Variants in BCAS3 observed in about 807,000 individuals in gnomAD.
BCAS3 encodes the protein BCAS4/BCAS3 fusion.
A neutral mutation model predicts 116.1 loss-of-function variants in BCAS3; 53 were observed. The observed-to-expected ratio is 0.46, with a 90% CI of 0.37 to 0.57. BCAS3 has a LOEUF of 0.57. Ranked by LOEUF, BCAS3 falls within the 20% of genes least tolerant of loss-of-function variation. The pLI, the probability that BCAS3 is intolerant of heterozygous loss-of-function variation, is 0.00. For synonymous variants in BCAS3, 391 were observed against 408.2 expected, an observed-to-expected ratio of 0.96 and a Z score of 0.51; for missense variants, 917 against 1,165.4, an observed-to-expected ratio of 0.79 and a Z score of 3.10.
chr17:61,271,629 G>A (rs1463664594), intron 22 of BCAS3, among the ~76,000 whole-genome samples: 3 of 144,196 alleles, frequency 2.1e-5, no homozygotes, highest in Non-Finnish European at 4.6e-5. Context: ...GTGTGTGTGT[G>A]TGTGTTTAGT....
intron 22 of BCAS3, among the ~76,000 whole-genome samples, chr17:61,147,841 TC>T (rs1263435183): frequency 6.6e-6 from 1 of 151,764 alleles, no homozygotes; most frequent in Non-Finnish European, 1.5e-5. Context: ...ACAAAATTAG[TC>T]AGGCGTGGTG....
At chr17:60,807,202 T>C (rs1254664753) in intron 6 of BCAS3, among the ~76,000 whole-genome samples, 1 of 152,238 alleles carries the variant, frequency 6.6e-6, no homozygotes, top group African/African-American at 2.4e-5. Flanking sequence ...ACTGCCAAAC[T>C]ATTACTGTTG....
chr17:60,945,115 G>C (rs565971539), intron 13 of BCAS3, among the ~76,000 whole-genome samples: 16 of 152,006 alleles, frequency 1.1e-4, no homozygotes, highest in Non-Finnish European at 1.9e-4. Flanking sequence ...ACATTGTCAA[G>C]ATAAAAAATC....
intron 6 of BCAS3, among the ~76,000 whole-genome samples, chr17:60,804,707 GTTAT>G (rs1455595081): frequency 6.6e-6 from 1 of 151,864 alleles, no homozygotes; most frequent in East Asian, 1.9e-4. Context: ...TTATATACAA[GTTAT>G]TTATCTCATG....
At chr17:61,049,182 T>C (rs1312553627) in intron 19 of BCAS3, among the ~76,000 whole-genome samples, 4 of 151,764 alleles carry the variant, frequency 2.6e-5, no homozygotes, top group Non-Finnish European at 5.9e-5. Context: ...ATACCCTTAA[T>C]CCCAGGTACT....
chr17:60,862,598 A>T (rs1027977411), intron 7 of BCAS3, among the ~76,000 whole-genome samples: 4 of 152,072 alleles, frequency 2.6e-5, no homozygotes, highest in African/African-American at 9.7e-5. Context: ...GTTTCTGTGC[A>T]TAGAGGTGGT....
intron 4 of BCAS3, among the ~76,000 whole-genome samples, chr17:60,705,410 G>T (rs1430724710): frequency 6.6e-6 from 1 of 151,742 alleles, no homozygotes; most frequent in Non-Finnish European, 1.5e-5. Context: ...AGCTACTTGG[G>T]AGGCTGAGGC....
At chr17:61,298,463 T>C (rs1271239876) in intron 22 of BCAS3, among the ~76,000 whole-genome samples, 3 of 152,240 alleles carry the variant, frequency 2.0e-5, no homozygotes. Flanking sequence ...AAAAGGACTT[T>C]GGCTCTAGTA....
chr17:61,195,943 A>G (rs920506111), intron 22 of BCAS3, among the ~76,000 whole-genome samples: 1 of 152,216 alleles, frequency 6.6e-6, no homozygotes, highest in African/African-American at 2.4e-5. Flanking sequence ...ACTGATTTTT[A>G]TCTTTTTGTG....
chr17:61,376,253 G>A lies in BCAS3; in HGVS notation c.2593+7759G>A, dbSNP rs2059333768. Among the ~76,000 whole-genome samples the A allele has an allele frequency of 6.6e-6, 1 of 152,160 alleles. No homozygotes were observed. The highest frequency in any genetic ancestry group is 2.1e-4 in the South Asian group (1 of 4,830). ...TAAGTGAAAGGTGAGCCTCCTTTAT[G>A]GGTCCTGGGTTAGCCACACTGTTCC... On this transcript the variant is annotated intron_variant, in intron 23 of 23. Coordinates refer to ENST00000407086, the MANE Select transcript of BCAS3 (RefSeq NM_017679.5). The surrounding 1 kb of genome is among the most constrained non-coding windows in gnomAD (Gnocchi z 4.5).
intron 6 of BCAS3, among the ~76,000 whole-genome samples, chr17:60,795,433 G>A (rs544831042): frequency 6.6e-6 from 1 of 152,164 alleles, no homozygotes; most frequent in South Asian, 2.1e-4. Flanking sequence ...GATTGCTCTG[G>A]CTAGGACTTC....
In BCAS3 at chr17:60,978,287, G is replaced by T. The variant is rs1468543456; in HGVS notation, c.1222-11684G>T. ...GCATTTTTTCATGTGTTTTTTGGCTGCATAAATGTCTTCTTTTGAGAAGTG... is the reference window on the plus strand; with the variant it reads ...GCATTTTTTCATGTGTTTTTTGGCTTCATAAATGTCTTCTTTTGAGAAGTG... On this transcript the variant is annotated intron_variant, in intron 14 of 23. Transcript: ENST00000407086. 5.6e-5 allele frequency among the ~76,000 whole-genome samples: 8 copies of T among 142,462 alleles called. No homozygotes were observed. The East Asian group carries it at 1.6e-3, about 29-fold the overall frequency. The allele number at this position is 142,462 out of a possible 152,430, so 93.5% of individuals were successfully genotyped here. A position where few individuals can be genotyped will look rare whatever the true frequency, so the allele number is the denominator to read the frequency against.
Position 61,392,393 on chromosome 17 carries a change from C to A in BCAS3, c.*268C>A. On this transcript the variant is annotated 3_prime_UTR_variant, in exon 24 of 24. Coordinates refer to ENST00000407086, the MANE Select transcript of BCAS3 (RefSeq NM_017679.5). This position sits in a 1 kb window ranked among gnomAD's most constrained non-coding sequence, Gnocchi z 6.4. ...GGTCCCTGTGTATGTTTGCATATGA[C>A]ATCCTGCATTGGATCCGCTTTTGTA... 2.9e-6 allele frequency: 1 copy of A among 340,704 alleles called. No homozygotes were observed. Among genetic ancestry groups the A allele is most frequent in the Non-Finnish European group, 5.3e-6 (1 of 188,646 alleles). 21.1% of individuals were successfully genotyped at this position (340,704 alleles called of 1,614,324 possible).
intron 22 of BCAS3, among the ~76,000 whole-genome samples, chr17:61,238,283 C>T (rs547643632): frequency 1.7e-4 from 26 of 149,990 alleles, no homozygotes; most frequent in African/African-American, 5.9e-4. Context: ...AGCGCAGTGG[C>T]ATGATCTTGG....
In BCAS3 at chr17:61,380,877, A is replaced by G. The variant is rs2059574105; in HGVS notation, c.2594-11100A>G. On this transcript the variant is annotated intron_variant, in intron 23 of 23. Transcript: ENST00000407086. The surrounding 1 kb of genome is among the most constrained non-coding windows in gnomAD (Gnocchi z 4.2). Reference sequence around the variant, plus strand: ...GAGGTCACTAGGCTCTAATGCATTTACCATTGACTGCCCCTCTTGTAGTGC... The same window carrying G: ...GAGGTCACTAGGCTCTAATGCATTTGCCATTGACTGCCCCTCTTGTAGTGC... Among the ~76,000 whole-genome samples, 2 of 152,240 alleles carry G rather than the reference A, an allele frequency of 1.3e-5. No homozygotes were observed. The highest frequency in any genetic ancestry group is 2.9e-5 in the Non-Finnish European group (2 of 68,034).
intron 15 of BCAS3, among the ~76,000 whole-genome samples, chr17:60,998,681 T>A (rs2064010843): frequency 6.6e-6 from 1 of 152,090 alleles, no homozygotes; most frequent in African/African-American, 2.4e-5. Flanking sequence ...ATGGGGTCAT[T>A]TGTTTTTTGC....
At chr17:60,906,864 A>G (rs1434022238) in intron 11 of BCAS3, among the ~76,000 whole-genome samples, 1 of 152,182 alleles carries the variant, frequency 6.6e-6, no homozygotes, top group African/African-American at 2.4e-5. Flanking sequence ...TGTGCTCCTT[A>G]AGAAAAATAC....
intron 6 of BCAS3, among the ~76,000 whole-genome samples, chr17:60,779,840 A>G (rs2045640679): frequency 6.6e-6 from 1 of 152,180 alleles, no homozygotes; most frequent in South Asian, 2.1e-4. Context: ...CAAGAATGGT[A>G]TGATTCTGTT....
intron 7 of BCAS3, among the ~76,000 whole-genome samples, chr17:60,834,857 G>A (rs1261877135): frequency 2.6e-5 from 4 of 151,806 alleles, no homozygotes; most frequent in African/African-American, 9.7e-5. Context: ...GCTTTTTGTG[G>A]TTGTTAGTGC....
Sources: gnomAD v4.1 joint callset for allele counts (sites outside exome capture counted in the v4.1 genomes callset) on GRCh38, gnomAD v4.1.1 for gene constraint, Gnocchi (gnomAD v3.1) non-coding constraint, MANE v1.5 for transcripts, NCBI Gene and HGNC (gene_info 2026-07-23, HGNC 2026-07-21) for gene names.